Variants in ZC4H2 observed in about 807,000 individuals in gnomAD.
The protein encoded by ZC4H2 is zinc finger C4H2 domain-containing protein.
For synonymous variants in ZC4H2, 84 were observed against 66.3 expected (o/e 1.27, Z -1.30); for missense variants, 137 against 173.9 (o/e 0.79, Z 1.19).
At chrX:64,969,695 G>A (rs1931711776) in intron 1 of ZC4H2, among the ~76,000 whole-genome samples, 1 of 111,645 alleles carries the variant, frequency 9.0e-6, no homozygotes, top group Non-Finnish European at 1.9e-5. Flanking sequence ...CTGGAAATGG[G>A]GCTCAGCAAT....
At chrX:64,956,363 A>G (rs572581779) in intron 1 of ZC4H2, among the ~76,000 whole-genome samples, 2 of 111,341 alleles carry the variant, frequency 1.8e-5, no homozygotes, top group African/African-American at 3.3e-5. Flanking sequence ...TATCCTCCCA[A>G]TAGTCATAAT....
upstream of ZC4H2, chrX:64,976,461 T>A: frequency 9.5e-7 from 1 of 1,048,990 alleles, no homozygotes; most frequent in Non-Finnish European, 1.3e-6. Context: ...AGCCACCTCC[T>A]CCGGGCTTGG....
At chrX:65,006,600 C>A (rs762033591) in intron 1 of ZC4H2, among the ~76,000 whole-genome samples, 1 of 109,921 alleles carries the variant, frequency 9.1e-6, no homozygotes, top group Non-Finnish European at 1.9e-5. Flanking sequence ...AGGAGATATA[C>A]CTAATGTAAA....
chrX:64,999,265 A>T (rs1258486121), intron 1 of ZC4H2, among the ~76,000 whole-genome samples: 1 of 110,819 alleles, frequency 9.0e-6, no homozygotes, highest in Admixed American at 9.6e-5. Context: ...GACAGGTTAG[A>T]CACTGTGTGC....
intron 1 of ZC4H2, among the ~76,000 whole-genome samples, chrX:64,962,796 C>T (rs1931451093): frequency 9.0e-6 from 1 of 111,285 alleles, no homozygotes; most frequent in Non-Finnish European, 1.9e-5. Flanking sequence ...CTTATGATAG[C>T]ACCAAAAAGA....
At chrX:64,958,568 C>T (rs1418849304) in intron 1 of ZC4H2, among the ~76,000 whole-genome samples, 1 of 111,589 alleles carries the variant, frequency 9.0e-6, no homozygotes, top group Non-Finnish European at 1.9e-5. Context: ...GGACAGACTC[C>T]CACTTTGCCT....
At chrX:65,008,557 C>T (rs1932706370) in intron 1 of ZC4H2, among the ~76,000 whole-genome samples, 2 of 112,357 alleles carry the variant, frequency 1.8e-5, no homozygotes, top group African/African-American at 6.5e-5. Context: ...GCTAAGGAAT[C>T]AAACTAAGTG....
chrX:65,008,777 A>T (rs1165308299), intron 1 of ZC4H2, among the ~76,000 whole-genome samples: 2 of 111,715 alleles, frequency 1.8e-5, no homozygotes, highest in African/African-American at 6.5e-5. Flanking sequence ...ACTCATGGAG[A>T]TAGAGTAGAA....
intron 1 of ZC4H2, among the ~76,000 whole-genome samples, chrX:64,938,547 G>C (rs780006679): frequency 2.2e-4 from 25 of 111,940 alleles, no homozygotes; most frequent in Non-Finnish European, 3.9e-4. Context: ...TAAAATACTG[G>C]CAAACTGAAT....
chrX:65,011,194 C>A (rs1932752298), intron 1 of ZC4H2, among the ~76,000 whole-genome samples: 1 of 112,064 alleles, frequency 8.9e-6, no homozygotes. Context: ...CACTATAATT[C>A]TATGATAGGT....
chrX:65,008,612 C>A (rs775380266), intron 1 of ZC4H2, among the ~76,000 whole-genome samples: 1 of 112,340 alleles, frequency 8.9e-6, no homozygotes, highest in East Asian at 2.8e-4. Flanking sequence ...TACATACACA[C>A]AATGAAATAT....
intron 1 of ZC4H2, among the ~76,000 whole-genome samples, chrX:65,000,255 C>T (rs1458099441): frequency 1.8e-5 from 2 of 112,072 alleles, no homozygotes; most frequent in African/African-American, 3.2e-5. Flanking sequence ...GAACACACAG[C>T]AATCTTTGCT....
chrX:65,014,452 T>C (rs1051557206), intron 1 of ZC4H2, among the ~76,000 whole-genome samples: 3 of 111,905 alleles, frequency 2.7e-5, no homozygotes, highest in African/African-American at 9.7e-5. Flanking sequence ...ACCTGGGCAC[T>C]TTTAGAATGC....
chrX:64,957,403 C>A (rs1931197354), intron 1 of ZC4H2, among the ~76,000 whole-genome samples: 1 of 112,259 alleles, frequency 8.9e-6, no homozygotes, highest in Non-Finnish European at 1.9e-5. Flanking sequence ...TTGGCTGAAG[C>A]TTTTCTTTTA....
intron 1 of ZC4H2, among the ~76,000 whole-genome samples, chrX:65,000,471 G>C (rs997304092): frequency 8.9e-6 from 1 of 112,037 alleles, no homozygotes; most frequent in African/African-American, 3.2e-5. Flanking sequence ...AATCCATGAA[G>C]ATGAGGAAAC....
chrX:64,980,866 GA>G (rs199519129), upstream of ZC4H2, among the ~76,000 whole-genome samples: 8 of 107,715 alleles, frequency 7.4e-5, no homozygotes, highest in Non-Finnish European at 1.5e-4. Context: ...TGACAGAAAA[GA>G]AAAAAAAATA....
At chrX:64,966,219 T>C (rs1931586559) in intron 1 of ZC4H2, among the ~76,000 whole-genome samples, 1 of 111,731 alleles carries the variant, frequency 9.0e-6, no homozygotes, top group African/African-American at 3.3e-5. Flanking sequence ...GATTGGTCAT[T>C]AGGAATATGC....
intron 1 of ZC4H2, among the ~76,000 whole-genome samples, chrX:64,996,694 T>TA (rs947830477): frequency 2.4e-4 from 27 of 110,650 alleles, no homozygotes; most frequent in African/African-American, 5.6e-4. Context: ...ATAACTGAAA[T>TA]AAAAAAAATT....
At chrX:64,989,666 T>C (rs921977787) in intron 1 of ZC4H2, among the ~76,000 whole-genome samples, 11 of 112,193 alleles carry the variant, frequency 9.8e-5, no homozygotes, top group Non-Finnish European at 1.5e-4. Flanking sequence ...AATATATTAA[T>C]AACCCTCAAA....
Sources: gnomAD v4.1 joint callset for allele counts (sites outside exome capture counted in the v4.1 genomes callset) on GRCh38, gnomAD v4.1.1 for gene constraint, MANE v1.5 for transcripts, NCBI Gene and HGNC (gene_info 2026-07-23, HGNC 2026-07-21) for gene names.